The following ZNF99 variants were observed in gnomAD, a reference collection of about 807,000 sequenced individuals.
ZNF99 encodes zinc finger protein 99.
A neutral mutation model predicts 12.8 loss-of-function variants in ZNF99; 8 were observed. The observed-to-expected ratio is 0.62, with a 90% CI of 0.37 to 1.13. The LOEUF is 1.13. Ranked by LOEUF, ZNF99 falls within the 50% of genes most tolerant of loss-of-function variation. The pLI is 0.02. For missense variants in ZNF99, 1,007 were observed against 1,006.2 expected (o/e 1.00, Z -0.01); for synonymous variants, 318 against 319.0 (o/e 1.00, Z 0.03).
At chr19:22,783,909 A>G (rs1158710588) in intron 1 of ZNF99, 105 bp downstream of exon 1, 2 of 1,431,442 alleles carry the variant, frequency 1.4e-6, no homozygotes, top group Non-Finnish European at 2.0e-6. Flanking sequence ...CGGGGCGCAG[A>G]CTGTGGAGCT....
chr19:22,777,697 G>GA (rs907912263), intron 1 of ZNF99, among the ~76,000 whole-genome samples: 9 of 152,086 alleles, frequency 5.9e-5, no homozygotes, highest in African/African-American at 1.9e-4. Flanking sequence ...CATGTTGGTG[G>GA]AAAAAACATG....
intron 1 of ZNF99, among the ~76,000 whole-genome samples, chr19:22,783,802 C>CA (rs1973417051): frequency 6.6e-6 from 1 of 152,144 alleles, no homozygotes; most frequent in Admixed American, 6.6e-5. Flanking sequence ...AGGGCATAGT[C>CA]ACAGTGCAGG....
In ZNF99 at chr19:22,754,446, G is replaced by A. The variant is rs752618629; in HGVS notation, c.*2868C>T. 3 of 403,620 alleles carry A rather than the reference G, an allele frequency of 7.4e-6. No individual in the cohort carries two copies. The highest frequency in any genetic ancestry group is 1.8e-5 in the South Asian group (1 of 54,714). 25.0% of individuals were successfully genotyped at this position (403,620 alleles called of 1,614,324 possible). Reference sequence around the variant, plus strand: ...ACATAAATTATCTTATGTGTAATAAGGGTTGAAATGTTTTTAAAGCTTTTG... The same window carrying A: ...ACATAAATTATCTTATGTGTAATAAAGGTTGAAATGTTTTTAAAGCTTTTG... On this transcript the variant is annotated 3_prime_UTR_variant, in exon 4 of 4. Transcript: ENST00000596209.
chr19:22,756,762 A>C lies in ZNF99; in HGVS notation c.*552T>G. 1.3e-6 allele frequency: 2 copies of C among 1,489,052 alleles called. No individual in the cohort carries two copies. The highest frequency in any genetic ancestry group is 1.8e-6 in the Non-Finnish European group (2 of 1,115,606). The allele number at this position is 1,489,052 out of a possible 1,614,324, so 92.2% of individuals were successfully genotyped here. Reference sequence around the variant, plus strand: ...GTTTCATAAGGGTTGAGGAATTGTTAAAAGCTTTGCCACATTCTTCACATT... The same window carrying C: ...GTTTCATAAGGGTTGAGGAATTGTTCAAAGCTTTGCCACATTCTTCACATT... On this transcript the variant is annotated 3_prime_UTR_variant, in exon 4 of 4. Transcript: ENST00000596209.
Position 22,757,782 on chromosome 19 carries a change from T to C in ZNF99, c.2127A>G (p.Glu709=). 1 of 1,613,178 alleles carries C rather than the reference T, an allele frequency of 6.2e-7. No individual in the cohort carries two copies. The change falls in exon 4 of 4, where the codon GAA becomes GAG. Residue 709 remains glutamate, a synonymous_variant. Transcript: ENST00000596209. ...AGGACTGGCTAAAAGCTTTGCCACA[T>C]TCTTCACATTTGTAGGGTTTCTTTC... is the stretch of plus-strand genomic sequence containing the variant. ...HTGKKPYKCE[E]CGKAFSQSST...
chr19:22,783,668 T>G (rs1973415205), intron 1 of ZNF99, among the ~76,000 whole-genome samples: 1 of 152,180 alleles, frequency 6.6e-6, no homozygotes, highest in Non-Finnish European at 1.5e-5. Flanking sequence ...ACCAAAGCTC[T>G]TCCCATTCAT....
In ZNF99 at chr19:22,752,802, C is replaced by T. The variant is rs963311421; in HGVS notation, c.*4512G>A. 6.6e-6 allele frequency: 1 copy of T among 152,028 alleles called. No homozygotes were observed. Among genetic ancestry groups the T allele is most frequent in the Non-Finnish European group, 1.5e-5 (1 of 67,962 alleles). The allele number at this position is 152,028 out of a possible 1,614,324, so 9.4% of individuals were successfully genotyped here. ...ACATAAAAGCACAACTAATATAATA[C>T]ATCACTAATTTAATTTTAATTTTAA... On this transcript the variant is annotated 3_prime_UTR_variant, in exon 4 of 4. Coordinates refer to ENST00000596209, the MANE Select transcript of ZNF99 (RefSeq NM_001080409.3).
chr19:22,759,515 T>C lies in ZNF99; in HGVS notation c.394A>G (p.Lys132Glu), dbSNP rs1973126819. 6.2e-7 allele frequency: 1 copy of C among 1,609,174 alleles called. No individual in the cohort carries two copies. The highest frequency in any genetic ancestry group is 8.5e-7 in the Non-Finnish European group (1 of 1,178,702). The change falls in exon 4 of 4, where the codon AAA (lysine) becomes GAA (glutamate). Residue 132 changes from lysine (K) to glutamate (E), a missense_variant. Physicochemically the swap from Lys to Glu is moderately conservative, Grantham distance 56. Coordinates refer to ENST00000596209, the MANE Select transcript of ZNF99 (RefSeq NM_001080409.3). ...EGKMHEEAYN[K>E]LNQCWTTTQG... The stretch of plus-strand genomic sequence containing the variant: ...GTAGTTGTCCAACATTGGTTAAGTT[T>C]ATTATAAGCTTCTTCGTGCATCTTA...
Position 22,755,637 on chromosome 19 carries a change from A to G in ZNF99, c.*1677T>C. On this transcript the variant is annotated 3_prime_UTR_variant, in exon 4 of 4. Transcript: ENST00000596209. ...AATTTGTAGTGTTCCTCTCCAAGAT[A>G]AATTATTTTATGTTGAGTAAAGTTT... 3.6e-6 allele frequency: 1 copy of G among 276,208 alleles called. No homozygotes were observed. The highest frequency in any genetic ancestry group is 7.4e-6 in the Non-Finnish European group (1 of 134,686). 17.1% of individuals were successfully genotyped at this position (276,208 alleles called of 1,614,324 possible).
chr19:22,757,308 T>C lies in ZNF99; in HGVS notation c.*6A>G. ...TCACATTTGTAGGGTTTCTTTCCAGTATGAATTATCTCATGTTTTCTAAGG... is the reference window on the plus strand; with the variant it reads ...TCACATTTGTAGGGTTTCTTTCCAGCATGAATTATCTCATGTTTTCTAAGG... On this transcript the variant is annotated 3_prime_UTR_variant, in exon 4 of 4. Coordinates refer to ENST00000596209, the MANE Select transcript of ZNF99 (RefSeq NM_001080409.3). 5 of 1,613,076 alleles carry C rather than the reference T, an allele frequency of 3.1e-6. No individual in the cohort carries two copies. The highest frequency in any genetic ancestry group is 3.4e-6 in the Non-Finnish European group (4 of 1,179,692).
In ZNF99 at chr19:22,755,250, T is replaced by A. The variant is rs559742872; in HGVS notation, c.*2064A>T. 3.7e-6 allele frequency: 1 copy of A among 271,672 alleles called. No individual in the cohort carries two copies. The highest frequency in any genetic ancestry group is 2.3e-5 in the African/African-American group (1 of 44,258). 16.8% of individuals were successfully genotyped at this position (271,672 alleles called of 1,614,324 possible). On this transcript the variant is annotated 3_prime_UTR_variant, in exon 4 of 4. Coordinates refer to ENST00000596209, the MANE Select transcript of ZNF99 (RefSeq NM_001080409.3). ...GAATTTTCTTATGTCTAATAAAGTTTAACTGATTAAAAGCATTGCCACATT... is the reference window on the plus strand; with the variant it reads ...GAATTTTCTTATGTCTAATAAAGTTAAACTGATTAAAAGCATTGCCACATT...
chr19:22,769,203 A>G lies in ZNF99; in HGVS notation c.125T>C (p.Phe42Ser), dbSNP rs769743484. ...VMLENYRNLV[F>S]LGIAVSKLDL... ...TTAATTAAAATCATCCTCACCCAGGAAGACCAGGTTTCTGTAGTTCTCTAA... is the reference window on the plus strand; with the variant it reads ...TTAATTAAAATCATCCTCACCCAGGGAGACCAGGTTTCTGTAGTTCTCTAA... Residue 42 changes from phenylalanine (F) to serine (S), a missense_variant, in exon 2 of 4, where the codon TTC (phenylalanine) becomes TCC (serine). Transcript: ENST00000596209. 6.1e-5 allele frequency: 98 copies of G among 1,606,530 alleles called. No homozygotes were observed. Among genetic ancestry groups the G allele is most frequent in the Non-Finnish European group, 8.3e-5 (98 of 1,175,876 alleles).
chr19:22,770,661 G>T (rs62120122), intron 1 of ZNF99: 13,027 of 152,126 alleles, frequency 0.086, 569 homozygotes, highest in Middle Eastern at 0.11. Flanking sequence ...AGCTCAGACA[G>T]CACTTTAATC....
intron 1 of ZNF99, 103 bp downstream of exon 1, chr19:22,783,911 T>C: frequency 2.1e-6 from 3 of 1,447,360 alleles, no homozygotes; most frequent in Non-Finnish European, 2.9e-6. Context: ...GGGCGCAGAC[T>C]GTGGAGCTCA....
chr19:22,766,425 C>T (rs548854836), intron 3 of ZNF99, among the ~76,000 whole-genome samples: 3 of 151,118 alleles, frequency 2.0e-5, no homozygotes, highest in South Asian at 2.1e-4. Context: ...CCACAACCTA[C>T]GCCTCTGGGT....
rs376895834 is a variant in ZNF99, at chr19:22,756,496, C to T, written c.*818G>A. On this transcript the variant is annotated 3_prime_UTR_variant, in exon 4 of 4. Transcript: ENST00000596209. The stretch of plus-strand genomic sequence containing the variant: ...ATGAATTATCCTATGTTTAGTAAGG[C>T]GTGAGAAATGGCTAAAAGCTTTGCC... The T allele has an allele frequency of 2.5e-4, 393 of 1,589,286 alleles. 65 individuals carry two copies. In the African/African-American group the frequency reaches 5.4e-3, roughly 22 times the overall value.
chr19:22,769,339 A>G lies in ZNF99; in HGVS notation c.4-15T>C, dbSNP rs371897303. 3 of 1,598,386 alleles carry G rather than the reference A, an allele frequency of 1.9e-6. No homozygotes were observed. In the African/African-American group the frequency reaches 4.1e-5, roughly 22 times the overall value. On this transcript the variant is annotated splice_polypyrimidine_tract_variant and intron_variant, in intron 1 of 3. Transcript: ENST00000596209. ...GTCAACGATCCCTGAAAAACACAAC[A>G]AAGATACATATAGATTTCCCAATTG...
In ZNF99 at chr19:22,753,009, A is replaced by G. The variant is rs1456019686; in HGVS notation, c.*4305T>C. Reference sequence around the variant, plus strand: ...ATGAAAAAGGTCATAAATAATGCCCATCTAATAAAAAAGAATCTTTCATAT... The same window carrying G: ...ATGAAAAAGGTCATAAATAATGCCCGTCTAATAAAAAAGAATCTTTCATAT... On this transcript the variant is annotated 3_prime_UTR_variant, in exon 4 of 4. Transcript: ENST00000596209. 6.6e-6 allele frequency: 1 copy of G among 152,108 alleles called. No homozygotes were observed. Among genetic ancestry groups the G allele is most frequent in the Non-Finnish European group, 1.5e-5 (1 of 67,982 alleles). 9.4% of individuals were successfully genotyped at this position (152,108 alleles called of 1,614,324 possible).
At position 22,758,771 on chromosome 19, in the gene ZNF99, T is replaced by G. The variant is rs879177593; in HGVS notation, c.1138A>C (p.Asn380His). The G allele has an allele frequency of 6.2e-7, 1 of 1,606,670 alleles. No homozygotes were observed. Among genetic ancestry groups the G allele is most frequent in the South Asian group, 1.1e-5 (1 of 90,488 alleles). The change falls in exon 4 of 4, where the codon AAT becomes CAT. Residue 380 changes from asparagine (N) to histidine (H), a missense_variant. Coordinates refer to ENST00000596209, the MANE Select transcript of ZNF99 (RefSeq NM_001080409.3). ...KYEECGKAFS[N>H]LSALRKHEII... ...TCATGTTTTCTAAGGGCTGACAAAT[T>G]GCTAAAAGCTTTGCCGCATTCTTCA...
Sources: gnomAD v4.1 joint callset for allele counts (sites outside exome capture counted in the v4.1 genomes callset) on GRCh38, gnomAD v4.1.1 for gene constraint, MANE v1.5 for transcripts, NCBI Gene and HGNC (gene_info 2026-07-23, HGNC 2026-07-21) for gene names.